Variants in AKAP6 observed in about 807,000 individuals in gnomAD.
AKAP6 encodes the protein A-kinase anchoring protein 6.
A neutral mutation model predicts 188.5 loss-of-function variants in AKAP6; 58 were observed. That is an observed-to-expected ratio of 0.31 (90% CI 0.25 to 0.38). The LOEUF is 0.38. Ranked by LOEUF, AKAP6 falls within the 10% of genes least tolerant of loss-of-function variation. The pLI, the probability that AKAP6 is intolerant of heterozygous loss-of-function variation, is 1.00. For missense variants in AKAP6, 2,710 were observed against 2,740.0 expected, an observed-to-expected ratio of 0.99 and a Z score of 0.24; for synonymous variants, 989 against 998.6, an observed-to-expected ratio of 0.99 and a Z score of 0.18.
chr14:32,719,859 G>A (rs1158428672), intron 9 of AKAP6, among the ~76,000 whole-genome samples: 1 of 151,856 alleles, frequency 6.6e-6, no homozygotes, highest in Non-Finnish European at 1.5e-5. Context: ...TGCACACTTA[G>A]CCTTCACATT....
chr14:32,680,507 A>C (rs1039269544), intron 8 of AKAP6, among the ~76,000 whole-genome samples: 3 of 152,212 alleles, frequency 2.0e-5, no homozygotes, highest in African/African-American at 7.2e-5. Context: ...CCAATAAGTA[A>C]TTGTGGGAAT....
chr14:32,504,933 G>A (rs1880793927), intron 2 of AKAP6, among the ~76,000 whole-genome samples: 1 of 152,180 alleles, frequency 6.6e-6, no homozygotes, highest in Admixed American at 6.5e-5. Context: ...AATCAGACAG[G>A]AAAGCGTGAC....
At chr14:32,342,215 C>T (rs1278733304) in intron 1 of AKAP6, among the ~76,000 whole-genome samples, 2 of 152,280 alleles carry the variant, frequency 1.3e-5, no homozygotes, top group East Asian at 1.9e-4. Context: ...TTGTATTTCT[C>T]CTGCTTTCTG....
intron 3 of AKAP6, among the ~76,000 whole-genome samples, chr14:32,539,713 A>T (rs1882835632): frequency 6.6e-6 from 1 of 152,168 alleles, no homozygotes; most frequent in African/African-American, 2.4e-5. Context: ...AGATTTTTGT[A>T]TATGTTTTCC....
intron 1 of AKAP6, among the ~76,000 whole-genome samples, chr14:32,371,378 A>C (rs1392649744): frequency 6.6e-6 from 1 of 152,220 alleles, no homozygotes; most frequent in Non-Finnish European, 1.5e-5. Flanking sequence ...CAAGAGTTCA[A>C]GACTAGCCTG....
intron 11 of AKAP6, among the ~76,000 whole-genome samples, chr14:32,761,201 T>A (rs1413719735): frequency 6.6e-6 from 1 of 152,234 alleles, no homozygotes; most frequent in Non-Finnish European, 1.5e-5. Flanking sequence ...TCTTTTCTAA[T>A]GTTGACTTTT....
intron 2 of AKAP6, among the ~76,000 whole-genome samples, chr14:32,501,731 T>C (rs553453670): frequency 6.6e-6 from 1 of 152,300 alleles, no homozygotes; most frequent in South Asian, 2.1e-4. Flanking sequence ...TGCGAGGTCT[T>C]CACTCTCTGG....
intron 2 of AKAP6, among the ~76,000 whole-genome samples, chr14:32,460,942 G>A (rs1347976826): frequency 6.6e-6 from 1 of 152,122 alleles, no homozygotes; most frequent in Non-Finnish European, 1.5e-5. Flanking sequence ...ACAGTGCTAA[G>A]GAGGCTGGGA....
At chr14:32,523,813 G>T (rs1044004064) in intron 2 of AKAP6, among the ~76,000 whole-genome samples, 5 of 122,472 alleles carry the variant, frequency 4.1e-5, no homozygotes, top group Non-Finnish European at 6.9e-5. Context: ...AAAAAAAAAA[G>T]ACTGTGGTAC....
chr14:32,576,944 C>G (rs1335434622), intron 4 of AKAP6, among the ~76,000 whole-genome samples, 176 bp from the exon 5 acceptor site: 2 of 152,112 alleles, frequency 1.3e-5, no homozygotes, highest in Non-Finnish European at 2.9e-5. Context: ...GGTAAGAGTT[C>G]AGGTCCAGGA....
intron 7 of AKAP6, among the ~76,000 whole-genome samples, chr14:32,662,069 A>G (rs1594823037): frequency 6.6e-6 from 1 of 152,242 alleles, no homozygotes; most frequent in East Asian, 1.9e-4. Flanking sequence ...ACCACAGCCA[A>G]TGAATCTGTT....
intron 1 of AKAP6, among the ~76,000 whole-genome samples, chr14:32,420,909 T>TTTTTTGTGTG (rs1555327187): frequency 6.8e-6 from 1 of 146,410 alleles, no homozygotes; most frequent in African/African-American, 2.5e-5. Flanking sequence ...GGAGATTGAT[T>TTTTTTGTGTG]TGTGTGTGTG....
chr14:32,682,455 A>C (rs1889718549), intron 8 of AKAP6, among the ~76,000 whole-genome samples: 2 of 152,220 alleles, frequency 1.3e-5, no homozygotes, highest in African/African-American at 4.8e-5. Context: ...AGTGCCTGGC[A>C]AGTGCTAGGT....
At chr14:32,730,870 C>A (rs372305717) in intron 9 of AKAP6, among the ~76,000 whole-genome samples, 1 of 152,166 alleles carries the variant, frequency 6.6e-6, no homozygotes, top group Non-Finnish European at 1.5e-5. Flanking sequence ...TAGAATGCTC[C>A]TGAATATTGA....
rs1279103425 is a variant in AKAP6, at chr14:32,546,566, A to G, written c.1913A>G (p.Lys638Arg). Residue 638 changes from lysine to arginine, a missense_variant, in exon 4 of 14, where the codon AAG becomes AGG. Around this residue, in one of 2 missense-constraint regions of AKAP6, gnomAD observed 2,473 missense variants for 2,426.1 expected, o/e 1.02. Coordinates refer to ENST00000280979, the MANE Select transcript of AKAP6 (RefSeq NM_004274.5). ...DEYLALPSHL[K>R]QTEVLALKLE... is the part of the protein sequence containing the mutation. Reference sequence around the variant, plus strand: ...TACCTAGCACTGCCCTCTCACCTTAAGCAGACAGAAGTATTGGCTTTGAAG... The same window carrying G: ...TACCTAGCACTGCCCTCTCACCTTAGGCAGACAGAAGTATTGGCTTTGAAG... The G allele has an allele frequency of 1.9e-6, 3 of 1,614,102 alleles. No individual in the cohort carries two copies. The highest frequency in any genetic ancestry group is 2.5e-6 in the Non-Finnish European group (3 of 1,180,036).
intron 7 of AKAP6, among the ~76,000 whole-genome samples, chr14:32,659,724 T>C (rs1888604532): frequency 6.6e-6 from 1 of 152,072 alleles, no homozygotes; most frequent in Non-Finnish European, 1.5e-5. Flanking sequence ...ATAGTTTCCA[T>C]AATTGAAGGG....
At chr14:32,621,869 T>C (rs1320897334) in intron 7 of AKAP6, among the ~76,000 whole-genome samples, 1 of 152,132 alleles carries the variant, frequency 6.6e-6, no homozygotes, top group Non-Finnish European at 1.5e-5. Flanking sequence ...ATACCAGTTA[T>C]GAATTAATGA....
chr14:32,557,653 G>A (rs147115428), intron 4 of AKAP6, among the ~76,000 whole-genome samples: 18 of 152,274 alleles, frequency 1.2e-4, no homozygotes, highest in African/African-American at 3.9e-4. Flanking sequence ...GATCTCTTAT[G>A]AGTATCCTTA....
At chr14:32,333,635 A>G (rs1160073065) in intron 1 of AKAP6, among the ~76,000 whole-genome samples, 2 of 152,148 alleles carry the variant, frequency 1.3e-5, no homozygotes, top group Non-Finnish European at 2.9e-5. Context: ...TACTGCATTA[A>G]ATAATAACTT....
Sources: gnomAD v4.1 joint callset for allele counts (sites outside exome capture counted in the v4.1 genomes callset) on GRCh38, gnomAD v4.1.1 for gene constraint, gnomAD v4.1.1 regional missense constraint, MANE v1.5 for transcripts, NCBI Gene and HGNC (gene_info 2026-07-23, HGNC 2026-07-21) for gene names.